PPFIBP2: variants seen among roughly 807,000 people sequenced by gnomAD.
PPFIBP2 encodes liprin-beta-2.
PPFIBP2 carries 118 observed loss-of-function variants against 118.3 expected under a neutral mutation model. The ratio of observed to expected loss-of-function variants is 1.00; its 90% CI spans 0.86 to 1.16. PPFIBP2 has a LOEUF of 1.16. Ranked by LOEUF, PPFIBP2 falls within the 50% of genes most tolerant of loss-of-function variation. The pLI, the probability that PPFIBP2 is intolerant of heterozygous loss-of-function variation, is 0.00. For missense variants in PPFIBP2, 1,195 were observed against 1,073.1 expected (o/e 1.11, Z -1.59); for synonymous variants, 414 against 397.4 (o/e 1.04, Z -0.50).
intron 5 of PPFIBP2, among the ~76,000 whole-genome samples, chr11:7,606,377 G>A (rs1847340105): frequency 6.6e-6 from 1 of 152,146 alleles, no homozygotes; most frequent in Admixed American, 6.5e-5. Flanking sequence ...TAGTGGCTAC[G>A]GGCCTTGCTG....
chr11:7,604,872 C>T (rs1386197528), intron 5 of PPFIBP2, among the ~76,000 whole-genome samples: 2 of 152,180 alleles, frequency 1.3e-5, no homozygotes, highest in African/African-American at 4.8e-5. Context: ...GAGCAGGAGC[C>T]ATTCTGAGTT....
downstream of PPFIBP2, among the ~76,000 whole-genome samples, chr11:7,661,034 C>T: frequency 6.6e-6 from 1 of 151,986 alleles, no homozygotes; most frequent in East Asian, 1.9e-4. Flanking sequence ...TGATTCTTCT[C>T]TCTTTTTTTC....
chr11:7,585,760 C>G (rs984323232), intron 3 of PPFIBP2, among the ~76,000 whole-genome samples: 21 of 152,216 alleles, frequency 1.4e-4, no homozygotes, highest in African/African-American at 5.1e-4. Context: ...TAGATCTGAA[C>G]AGCCACTGCA....
intron 5 of PPFIBP2, among the ~76,000 whole-genome samples, chr11:7,602,894 G>A (rs1432230492): frequency 1.3e-5 from 2 of 152,168 alleles, no homozygotes; most frequent in East Asian, 3.9e-4. Flanking sequence ...CAGTGTACCT[G>A]TTTCCTTATT....
At chr11:7,605,499 A>G (rs1847228077) in intron 5 of PPFIBP2, among the ~76,000 whole-genome samples, 2 of 152,230 alleles carry the variant, frequency 1.3e-5, no homozygotes, top group African/African-American at 4.8e-5. Flanking sequence ...ACCAACTGGC[A>G]TCATTAATTG....
chr11:7,596,631 A>G (rs1226424164), intron 4 of PPFIBP2, among the ~76,000 whole-genome samples: 2 of 152,222 alleles, frequency 1.3e-5, no homozygotes, highest in African/African-American at 2.4e-5. Flanking sequence ...ATTCCATTTC[A>G]GACTGAGAAA....
chr11:7,591,285 A>G (rs1859251509), intron 3 of PPFIBP2, among the ~76,000 whole-genome samples: 1 of 151,918 alleles, frequency 6.6e-6, no homozygotes, highest in African/African-American at 2.4e-5. Flanking sequence ...ATTTCCTGCC[A>G]GAGAATGGGC....
At position 7,620,998 on chromosome 11, in the gene PPFIBP2, C is replaced by T; in HGVS notation, c.682C>T (p.Gln228Ter). ...GGAAGAGTTGGAAAATGAAAGGAAT[C>T]AGTATGAATGGAAGCTAAAGGCCAC... ...KVEELENERN[Q>*]YEWKLKATKA... Residue 228 changes from glutamine (Q) to a stop codon, truncating the protein, a stop_gained, in exon 7 of 24, where the codon CAG becomes TAG. Coordinates refer to ENST00000299492, the MANE Select transcript of PPFIBP2 (RefSeq NM_003621.5). LOFTEE classifies it high-confidence loss of function. 1 of 1,612,546 alleles carries T rather than the reference C, an allele frequency of 6.2e-7. No homozygotes were observed. The highest frequency in any genetic ancestry group is 8.5e-7 in the Non-Finnish European group (1 of 1,178,550).
chr11:7,666,408 G>T, the PPFIBP2 span: 1 of 1,295,428 alleles, frequency 7.7e-7, no homozygotes, highest in Non-Finnish European at 1.1e-6. Context: ...GTGGTCAAGG[G>T]TTGGTGCTGA....
intron 5 of PPFIBP2, among the ~76,000 whole-genome samples, chr11:7,606,744 C>T (rs548605043): frequency 6.6e-6 from 1 of 152,160 alleles, no homozygotes; most frequent in South Asian, 2.1e-4. Flanking sequence ...TGACTAATCA[C>T]AACCTGGTAG....
intron 6 of PPFIBP2, among the ~76,000 whole-genome samples, chr11:7,617,544 A>G (rs775964173): frequency 6.6e-6 from 1 of 152,082 alleles, no homozygotes; most frequent in Non-Finnish European, 1.5e-5. Context: ...TAGGGCTGGG[A>G]ATGAGGTGCA....
intron 3 of PPFIBP2, chr11:7,577,756 C>T: frequency 4.6e-6 from 2 of 431,584 alleles, no homozygotes; most frequent in Admixed American, 2.5e-5. Flanking sequence ...TCCAGCAAAG[C>T]CCTGCTGTGG....
intron 1 of PPFIBP2, among the ~76,000 whole-genome samples, chr11:7,541,841 C>T (rs746862129): frequency 5.3e-4 from 81 of 152,166 alleles, no homozygotes; most frequent in Non-Finnish European, 1.0e-3. Context: ...CTCCTGCAGG[C>T]CTCCACATTC....
chr11:7,648,779 G>A, intron 18 of PPFIBP2, 21 bp from the exon 19 acceptor site: 1 of 1,608,610 alleles, frequency 6.2e-7, no homozygotes, highest in Non-Finnish European at 8.5e-7. Context: ...TTCACATGTG[G>A]TCTTCATCTT....
At chr11:7,622,542 C>T (rs1261046724) in intron 7 of PPFIBP2, among the ~76,000 whole-genome samples, 2 of 152,128 alleles carry the variant, frequency 1.3e-5, no homozygotes, top group African/African-American at 4.8e-5. Context: ...AAGCACTGAA[C>T]ATATATAAAT....
chr11:7,608,305 G>A (rs886258109), intron 5 of PPFIBP2, among the ~76,000 whole-genome samples: 3 of 152,162 alleles, frequency 2.0e-5, no homozygotes, highest in African/African-American at 7.2e-5. Flanking sequence ...TGATACAATA[G>A]ACTAAAATGA....
the PPFIBP2 span, among the ~76,000 whole-genome samples, chr11:7,663,510 G>T: frequency 2.0e-5 from 3 of 152,194 alleles, no homozygotes; most frequent in Non-Finnish European, 2.9e-5. Context: ...CCCGTTCTCA[G>T]ATCTGCAGCT....
At chr11:7,593,962 G>A (rs774781887) in intron 4 of PPFIBP2, among the ~76,000 whole-genome samples, 6 of 152,280 alleles carry the variant, frequency 3.9e-5, no homozygotes, top group Non-Finnish European at 7.4e-5. Context: ...ATATTAATTA[G>A]TGATTTGGAA....
chr11:7,666,411 G>T, the PPFIBP2 span: 1 of 1,317,022 alleles, frequency 7.6e-7, no homozygotes, highest in Non-Finnish European at 1.1e-6. Context: ...GTCAAGGGTT[G>T]GTGCTGACCC....
Sources: gnomAD v4.1 joint callset for allele counts (sites outside exome capture counted in the v4.1 genomes callset) on GRCh38, gnomAD v4.1.1 for gene constraint, MANE v1.5 for transcripts, NCBI Gene and HGNC (gene_info 2026-07-23, HGNC 2026-07-21) for gene names.